Variants in CTNNA3 observed in about 807,000 individuals in gnomAD.
CTNNA3 encodes the protein catenin alpha-3.
CTNNA3 carries 76 observed loss-of-function variants against 95.7 expected under a neutral mutation model. The ratio of observed to expected loss-of-function variants is 0.79; its 90% confidence interval spans 0.66 to 0.96. The LOEUF is 0.96. CTNNA3 is among the 40% of genes least tolerant of loss of function. The probability of loss-of-function intolerance (pLI) is 0.00; values close to 1 mark genes in which losing one functional copy is unlikely to be tolerated. For missense variants in CTNNA3, 1,191 were observed against 1,089.8 expected (o/e 1.09, Z -1.31); for synonymous variants, 431 against 374.4 (o/e 1.15, Z -1.74).
At chr10:67,292,737 C>T (rs1175902450) in intron 5 of CTNNA3, among the ~76,000 whole-genome samples, 1 of 152,048 alleles carries the variant, frequency 6.6e-6, no homozygotes, top group Non-Finnish European at 1.5e-5. Flanking sequence ...GCTGTTAATA[C>T]ATTTTAGATT....
At chr10:66,174,496 T>C (rs769956966) in intron 13 of CTNNA3, among the ~76,000 whole-genome samples, 17 of 152,154 alleles carry the variant, frequency 1.1e-4, no homozygotes, top group Non-Finnish European at 2.2e-4. Context: ...TGTACAATTA[T>C]ATTTCTACTT....
At chr10:66,843,118 T>C (rs976814797) in intron 7 of CTNNA3, among the ~76,000 whole-genome samples, 2 of 152,118 alleles carry the variant, frequency 1.3e-5, no homozygotes, top group Non-Finnish European at 2.9e-5. Flanking sequence ...TGGATGTAGA[T>C]TGGCAGAGAA....
At chr10:66,283,399 C>A (rs758032843) in intron 12 of CTNNA3, among the ~76,000 whole-genome samples, 72 of 151,778 alleles carry the variant, frequency 4.7e-4, no homozygotes, top group Admixed American at 9.2e-4. Flanking sequence ...TACTTTCAAT[C>A]TGCTATTATT....
intron 1 of CTNNA3, among the ~76,000 whole-genome samples, chr10:67,727,661 T>G: frequency 7.8e-6 from 1 of 127,816 alleles, no homozygotes; most frequent in South Asian, 2.3e-4. Flanking sequence ...TTATATATGA[T>G]ATATAATATA....
At chr10:66,420,095 G>A (rs963846681) in intron 11 of CTNNA3, among the ~76,000 whole-genome samples, 51 of 152,122 alleles carry the variant, frequency 3.4e-4, no homozygotes, top group African/African-American at 1.2e-3. Context: ...AAAGAGTAAA[G>A]AAACCACCTG....
intron 15 of CTNNA3, among the ~76,000 whole-genome samples, chr10:65,989,027 G>A (rs535155951): frequency 1.3e-5 from 2 of 152,074 alleles, no homozygotes; most frequent in African/African-American, 4.8e-5. Context: ...TGCAACCTCC[G>A]CTTCTCGGGT....
chr10:67,294,966 T>C (rs1353195871), intron 5 of CTNNA3, among the ~76,000 whole-genome samples: 2 of 152,192 alleles, frequency 1.3e-5, no homozygotes, highest in Non-Finnish European at 2.9e-5. Flanking sequence ...TTTAGCAGTA[T>C]TGGTAAAAAG....
chr10:66,580,150 T>C (rs1394051692), intron 10 of CTNNA3, among the ~76,000 whole-genome samples: 1 of 151,794 alleles, frequency 6.6e-6, no homozygotes, highest in East Asian at 1.9e-4. Flanking sequence ...ATGTTGACTT[T>C]TTAAATTATT....
At chr10:67,706,671 A>G (rs1411585641) in intron 1 of CTNNA3, among the ~76,000 whole-genome samples, 2 of 152,154 alleles carry the variant, frequency 1.3e-5, no homozygotes, top group East Asian at 3.9e-4. Flanking sequence ...CCTTTAAAGA[A>G]CTAAAAATGG....
chr10:67,747,989 G>A (rs938862799), intron 1 of CTNNA3, among the ~76,000 whole-genome samples: 10 of 152,124 alleles, frequency 6.6e-5, no homozygotes, highest in Non-Finnish European at 1.2e-4. Flanking sequence ...TCAATGAAGC[G>A]GAAGAAAGAA....
intron 7 of CTNNA3, among the ~76,000 whole-genome samples, chr10:66,853,842 A>G (rs1843588435): frequency 6.6e-6 from 1 of 152,086 alleles, no homozygotes; most frequent in African/African-American, 2.4e-5. Context: ...CATAATTTCT[A>G]CTAAGTATGC....
chr10:67,172,563 CTATAGTCA>C (rs1266450505), intron 7 of CTNNA3, among the ~76,000 whole-genome samples: 1 of 152,020 alleles, frequency 6.6e-6, no homozygotes, highest in East Asian at 1.9e-4. Flanking sequence ...CACACACACA[CTATAGTCA>C]TATAGTCATA....
At chr10:66,767,648 A>C (rs4423081) in intron 8 of CTNNA3, among the ~76,000 whole-genome samples, 128,807 of 151,910 alleles carry the variant, frequency 0.85, 54,893 homozygotes, top group East Asian at 1. Context: ...TTTTTTTAAA[A>C]GAATAGACAC....
chr10:66,692,008 G>A (rs937339920), intron 9 of CTNNA3, among the ~76,000 whole-genome samples: 6 of 152,090 alleles, frequency 3.9e-5, no homozygotes, highest in African/African-American at 1.2e-4. Flanking sequence ...CACAAAGACA[G>A]GGAAAAATAA....
intron 7 of CTNNA3, among the ~76,000 whole-genome samples, chr10:66,815,139 A>G (rs1179637548): frequency 6.6e-6 from 1 of 152,174 alleles, no homozygotes; most frequent in African/African-American, 2.4e-5. Context: ...ATGGTAGAAT[A>G]AGAACCTCCA....
rs1285698394 is a variant in CTNNA3, at chr10:67,726,635, A to G, written c.-2+36799T>C. Among the ~76,000 whole-genome samples, 4 of 76,708 alleles carry G rather than the reference A, an allele frequency of 5.2e-5. No individual in the cohort carries two copies. The East Asian group carries it at 1.3e-3, about 24-fold the overall frequency. 50.3% of individuals were successfully genotyped at this position (76,708 alleles called of 152,430 possible). ...TAATATATAATATATATTATATTAT[A>G]TATAATATATACTATAATATATTAT... On this transcript the variant is annotated intron_variant, in intron 1 of 17. Transcript: ENST00000684154.
intron 9 of CTNNA3, among the ~76,000 whole-genome samples, chr10:66,758,210 A>G (rs1160665932): frequency 1.3e-5 from 2 of 152,194 alleles, no homozygotes; most frequent in African/African-American, 4.8e-5. Flanking sequence ...CCAGGAATGG[A>G]GAAAATTATT....
At chr10:67,496,117 G>A (rs758232890) in intron 5 of CTNNA3, among the ~76,000 whole-genome samples, 11 of 152,020 alleles carry the variant, frequency 7.2e-5, no homozygotes, top group African/African-American at 1.9e-4. Flanking sequence ...TACATAATGC[G>A]GGAAGAGTCT....
intron 13 of CTNNA3, among the ~76,000 whole-genome samples, chr10:66,108,580 C>T (rs1033645627): frequency 2.6e-5 from 4 of 152,004 alleles, no homozygotes; most frequent in African/African-American, 9.7e-5. Flanking sequence ...ATGATTTTCA[C>T]CTAAAATTAT....
Sources: allele counts gnomAD v4.1 joint callset (sites outside exome capture counted in the v4.1 genomes callset), GRCh38; gene constraint gnomAD v4.1.1; transcripts MANE v1.5; gene names NCBI Gene and HGNC (gene_info 2026-07-23, HGNC 2026-07-21).